The following TRPM5 variants were observed in gnomAD, a reference collection of about 807,000 sequenced individuals.
TRPM5 encodes transient receptor potential cation channel subfamily M member 5.
TRPM5 carries 121 observed loss-of-function variants against 124.9 expected under a neutral mutation model. The observed-to-expected ratio is 0.97, with a 90% CI of 0.84 to 1.13. The LOEUF is 1.13. Ranked by LOEUF, TRPM5 falls within the 50% of genes most tolerant of loss-of-function variation. The probability of loss-of-function intolerance (pLI) is 0.00; values close to 1 mark genes in which losing one functional copy is unlikely to be tolerated. For missense variants in TRPM5, 1,643 were observed against 1,589.1 expected, an observed-to-expected ratio of 1.03 and a Z score of -0.58; for synonymous variants, 781 against 700.5, an observed-to-expected ratio of 1.11 and a Z score of -1.81.
chr11:2,415,755 G>A (rs995766913), intron 8 of TRPM5, 151 bp downstream of exon 13: 28 of 659,212 alleles, frequency 4.2e-5, no homozygotes, highest in Non-Finnish European at 6.7e-5. Flanking sequence ...GCAGAAGCCC[G>A]GGCAGAACCG....
At chr11:2,406,826 G>C in intron 20 of TRPM5, 33 bp from the exon 26 acceptor site, 2 of 1,595,364 alleles carry the variant, frequency 1.3e-6, no homozygotes, top group Non-Finnish European at 1.7e-6. Context: ...AGCATTACTA[G>C]AGCATGTGGG....
chr11:2,411,281 T>G lies in TRPM5; in HGVS notation c.2782+71A>C, dbSNP rs1850445505. 9 of 1,459,048 alleles carry G rather than the reference T, an allele frequency of 6.2e-6. No homozygotes were observed. The South Asian group carries it at 9.7e-5, about 16-fold the overall frequency. 90.4% of individuals were successfully genotyped at this position (1,459,048 alleles called of 1,614,324 possible). A position where few individuals can be genotyped will look rare whatever the true frequency, so the allele number is the denominator to read the frequency against. ...CCCCAACAGACCTCTCTGGAGAGCC[T>G]CATGCCCAGGGCTTGTGCACACAGG... is the stretch of plus-strand genomic sequence containing the variant. On this transcript the variant is annotated intron_variant, in intron 18 of 23. Transcript: ENST00000155858.
the TRPM5 span, among the ~76,000 whole-genome samples, chr11:2,434,100 C>T: frequency 4.5e-4 from 67 of 149,278 alleles, no homozygotes; most frequent in African/African-American, 1.6e-3. Context: ...TGTGTGGATG[C>T]TGTGTGTGAG....
upstream of TRPM5, among the ~76,000 whole-genome samples, chr11:2,423,659 G>A (rs553873033): frequency 2.0e-5 from 3 of 152,330 alleles, no homozygotes; most frequent in South Asian, 2.1e-4. Context: ...ATCAGCAGCA[G>A]AGCTATTCCC....
At chr11:2,409,959 G>A (rs1272861671) in intron 18 of TRPM5, among the ~76,000 whole-genome samples, 2 of 152,218 alleles carry the variant, frequency 1.3e-5, no homozygotes, top group Non-Finnish European at 1.5e-5. Context: ...CGCTGAGACT[G>A]GCCCACCAGA....
intron 7 of TRPM5, 57 bp downstream of exon 12, chr11:2,417,670 G>A: frequency 2.1e-6 from 3 of 1,425,580 alleles, no homozygotes; most frequent in Non-Finnish European, 2.9e-6. Flanking sequence ...CCCCAAAGCG[G>A]CTCTGAGCAT....
exon 6 of TRPM5, chr11:2,418,335 C>T (rs1288109631): frequency 6.4e-7 from 1 of 1,561,438 alleles, no homozygotes; most frequent in East Asian, 2.4e-5. Flanking sequence ...ACGGGGCAGC[C>T]TGCTCCACGG....
At chr11:2,427,875 G>GC (rs1845850789), upstream of TRPM5, among the ~76,000 whole-genome samples, 1 of 152,184 alleles carries the variant, frequency 6.6e-6, no homozygotes, top group South Asian at 2.1e-4. Flanking sequence ...GGAGGACAGG[G>GC]AGGCAGAGGG....
rs200637642 is a variant in TRPM5 at position 2,418,277 on chromosome 11, G to A, written c.796C>T (p.Leu266=). The change falls in exon 6 of 24, where the codon CTA becomes TTA. Residue 266 remains leucine (L), a synonymous_variant. Transcript: ENST00000155858. Reference sequence around the variant, plus strand: ...ACCAGGAGGTGGGGCTGGTTCACTAGGGCAGCAAGCACATCGGCGATGCCC... The same window carrying A: ...ACCAGGAGGTGGGGCTGGTTCACTAAGGCAGCAAGCACATCGGCGATGCCC... The A allele has an allele frequency of 1.1e-3, 1,800 of 1,581,086 alleles. 2 individuals are homozygous for A. Among genetic ancestry groups the A allele is most frequent in the Non-Finnish European group, 1.4e-3 (1,683 of 1,164,262 alleles).
chr11:2,438,441 G>T, the TRPM5 span, among the ~76,000 whole-genome samples: 1 of 152,190 alleles, frequency 6.6e-6, no homozygotes, highest in South Asian at 2.1e-4. This position sits in a 1 kb window ranked among gnomAD's most constrained non-coding sequence, Gnocchi z 5.9. Context: ...GAAGCGAGCG[G>T]ATCACTTGAA....
chr11:2,411,011 C>T (rs1850433771), intron 18 of TRPM5, among the ~76,000 whole-genome samples: 1 of 152,158 alleles, frequency 6.6e-6, no homozygotes, highest in Admixed American at 6.5e-5. Context: ...ATCCCTTCCC[C>T]ACCGATAGAC....
chr11:2,404,238 GGGGGCCTGGGCAGGTGTT>G (rs1437575051), downstream of TRPM5, among the ~76,000 whole-genome samples: 11 of 152,214 alleles, frequency 7.2e-5, no homozygotes, highest in Non-Finnish European at 1.6e-4. Flanking sequence ...TGGGCAGTTG[GGGGGCCTGGGCAGGTGTT>G]TGAGCCTGGG....
the TRPM5 span, among the ~76,000 whole-genome samples, chr11:2,429,314 ATGG>A: frequency 2.0e-5 from 3 of 149,418 alleles, no homozygotes; most frequent in Non-Finnish European, 4.5e-5. The surrounding 1 kb of genome is among the most constrained non-coding windows in gnomAD (Gnocchi z 8.4). Flanking sequence ...GCTGCTGCTG[ATGG>A]TGGTGGTGAT....
At chr11:2,416,010 T>C in exon 8 of TRPM5, 1 of 1,594,340 alleles carries the variant, frequency 6.3e-7, no homozygotes, top group Non-Finnish European at 8.5e-7. Context: ...GGCTCCTGGC[T>C]GTGGCTCTTG....
At chr11:2,417,861 G>T (rs986172565) in intron 6 of TRPM5, 32 bp from the exon 12 acceptor site, 11 of 1,543,134 alleles carry the variant, frequency 7.1e-6, no homozygotes, top group African/African-American at 1.4e-5. Context: ...CCATGGGGCC[G>T]CCTCAGCCAG....
At chr11:2,421,234 G>A (rs1025324128) in intron 2 of TRPM5, 36 bp from the exon 8 acceptor site, 21 of 1,517,810 alleles carry the variant, frequency 1.4e-5, no homozygotes, top group Admixed American at 4.5e-5. Context: ...TGTGCCGCAC[G>A]CCCCAGGTCT....
chr11:2,421,141 G>A (rs1845767137), exon 3 of TRPM5: 10 of 1,542,292 alleles, frequency 6.5e-6, no homozygotes, highest in African/African-American at 1.4e-5. Context: ...GTCGCGCACG[G>A]CCTGCCCGAC....
the TRPM5 span, among the ~76,000 whole-genome samples, chr11:2,434,566 C>T: frequency 5.0e-4 from 69 of 138,826 alleles, no homozygotes; most frequent in Middle Eastern, 4.8e-3. Context: ...TGTGTAGGTA[C>T]GCTGTGTCTG....
chr11:2,408,217 C>T (rs544841237), intron 18 of TRPM5, among the ~76,000 whole-genome samples: 2 of 152,146 alleles, frequency 1.3e-5, no homozygotes, highest in Admixed American at 6.5e-5. Context: ...AGCCAAGACC[C>T]CTGGAGGGAT....
Sources: allele counts gnomAD v4.1 joint callset (sites outside exome capture counted in the v4.1 genomes callset), GRCh38; gene constraint gnomAD v4.1.1; non-coding constraint Gnocchi (gnomAD v3.1); transcripts MANE v1.5; gene names NCBI Gene and HGNC (gene_info 2026-07-23, HGNC 2026-07-21).